Variants in NAALADL2 observed in about 807,000 individuals in gnomAD.
The protein encoded by NAALADL2 is inactive N-acetylated-alpha-linked acidic dipeptidase-like protein 2.
NAALADL2 carries 76 observed loss-of-function variants against 87.2 expected under a neutral mutation model. That is an observed-to-expected ratio of 0.87 (90% CI 0.72 to 1.05). The LOEUF is 1.05. Ranked by LOEUF, NAALADL2 falls within the 50% of genes least tolerant of loss-of-function variation. NAALADL2 has a pLI of 0.00. For missense variants in NAALADL2, 1,089 were observed against 945.8 expected, an observed-to-expected ratio of 1.15 and a Z score of -1.99; for synonymous variants, 354 against 331.0, an observed-to-expected ratio of 1.07 and a Z score of -0.75.
intron 2 of NAALADL2, among the ~76,000 whole-genome samples, chr3:175,171,345 C>T (rs1196606476): frequency 6.6e-6 from 1 of 151,986 alleles, no homozygotes; most frequent in Non-Finnish European, 1.5e-5. Context: ...ATTTTGCCAT[C>T]CTAACGATGG....
intron 12 of NAALADL2, among the ~76,000 whole-genome samples, chr3:175,739,795 T>C (rs1744994650): frequency 6.6e-6 from 1 of 152,202 alleles, no homozygotes; most frequent in South Asian, 2.1e-4. Flanking sequence ...TACATTCCCA[T>C]AGTGGAACAA....
chr3:174,687,605 A>G (rs925087590), intron 2 of NAALADL2, among the ~76,000 whole-genome samples: 2 of 152,108 alleles, frequency 1.3e-5, no homozygotes, highest in Non-Finnish European at 2.9e-5. Context: ...ATAAATCGAC[A>G]AGTGCAATAA....
chr3:174,763,335 T>C (rs1713298459), intron 3 of NAALADL2, among the ~76,000 whole-genome samples: 4 of 151,926 alleles, frequency 2.6e-5, no homozygotes, highest in Admixed American at 2.6e-4. Context: ...ATGCCTGTAA[T>C]CCCAGCACTT....
At chr3:175,691,507 T>A (rs1207660952) in intron 11 of NAALADL2, among the ~76,000 whole-genome samples, 2 of 152,056 alleles carry the variant, frequency 1.3e-5, no homozygotes, top group East Asian at 3.9e-4. Flanking sequence ...CTGTTTGTAA[T>A]ATTTTATCAA....
At chr3:175,227,425 C>T (rs549146237) in intron 2 of NAALADL2, among the ~76,000 whole-genome samples, 65 of 152,052 alleles carry the variant, frequency 4.3e-4, no homozygotes, top group Non-Finnish European at 8.0e-4. Flanking sequence ...AAACTACTGG[C>T]CCGTGGAAAC....
chr3:175,289,778 T>C (rs537544819), intron 4 of NAALADL2, among the ~76,000 whole-genome samples: 4 of 152,072 alleles, frequency 2.6e-5, no homozygotes, highest in African/African-American at 7.2e-5. Context: ...CTGGGCAACA[T>C]AGAGAGATCT....
chr3:175,467,569 C>T (rs141491473), intron 8 of NAALADL2, among the ~76,000 whole-genome samples: 1,827 of 152,258 alleles, frequency 0.012, 29 homozygotes, highest in Non-Finnish European at 0.014. Context: ...GGAACAGTCT[C>T]CTATATTAAA....
chr3:175,277,064 A>G (rs988673135), intron 4 of NAALADL2, among the ~76,000 whole-genome samples: 3 of 152,176 alleles, frequency 2.0e-5, no homozygotes, highest in Admixed American at 6.5e-5. Flanking sequence ...AGACATGTTG[A>G]CGCCAATATA....
chr3:175,360,841 T>G (rs1215210004), intron 5 of NAALADL2, among the ~76,000 whole-genome samples: 1 of 151,506 alleles, frequency 6.6e-6, no homozygotes, highest in Non-Finnish European at 1.5e-5. Context: ...TGTGTGTGTG[T>G]GTGTGTGTAT....
intron 10 of NAALADL2, among the ~76,000 whole-genome samples, chr3:175,583,260 A>T (rs1173570108): frequency 1.3e-5 from 2 of 152,188 alleles, no homozygotes; most frequent in African/African-American, 4.8e-5. Flanking sequence ...CAAAATTCAA[A>T]ATTTGAAGTA....
chr3:175,452,785 A>G (rs980891350), intron 6 of NAALADL2, among the ~76,000 whole-genome samples: 9 of 152,162 alleles, frequency 5.9e-5, no homozygotes, highest in African/African-American at 2.2e-4. Context: ...CAAAAGGAAA[A>G]AGAGCTTCAG....
Position 174,637,574 on chromosome 3 carries a change from T to A in NAALADL2, c.-115+86937T>A, listed in dbSNP as rs74931537. ...TCAGAATGATGTACAAAATTCATAA[T>A]GTTCACTGAAGAATATTTTTATTTG... is the stretch of plus-strand genomic sequence containing the variant. On this transcript the variant is annotated intron_variant, in intron 2 of 3. Coordinates refer to the NAALADL2 transcript ENST00000434257. Among the ~76,000 whole-genome samples, 827 of 152,070 alleles carry A rather than the reference T, an allele frequency of 5.4e-3. 6 individuals are homozygous for A. The highest frequency in any genetic ancestry group is 0.01 in the Middle Eastern group (3 of 292).
chr3:175,093,271 T>G (rs148650914), intron 1 of NAALADL2, among the ~76,000 whole-genome samples: 134 of 151,628 alleles, frequency 8.8e-4, no homozygotes, highest in African/African-American at 3.1e-3. Flanking sequence ...CGTGATATGT[T>G]TTTGTCTCAC....
At chr3:174,843,007 T>C (rs1246761245) in intron 3 of NAALADL2, among the ~76,000 whole-genome samples, 1 of 152,172 alleles carries the variant, frequency 6.6e-6, no homozygotes, top group Admixed American at 6.5e-5. Context: ...TAATTGTATA[T>C]ATTTATGAGG....
chr3:175,046,602 A>G (rs1408040626), intron 1 of NAALADL2, among the ~76,000 whole-genome samples: 2 of 152,192 alleles, frequency 1.3e-5, no homozygotes, highest in Admixed American at 1.3e-4. Context: ...ACCTCCAACA[A>G]TCTGTTGCTC....
intron 10 of NAALADL2, among the ~76,000 whole-genome samples, chr3:175,622,191 C>T (rs936704727): frequency 6.6e-6 from 1 of 152,056 alleles, no homozygotes; most frequent in Non-Finnish European, 1.5e-5. Flanking sequence ...CCTTCCTTTT[C>T]TGTAGCTCCT....
Position 175,654,899 on chromosome 3 carries a change from C to A in NAALADL2, c.1896+27513C>A, listed in dbSNP as rs146726087. ...ATTTAAGGTTTCTGATATTGCATTA[C>A]GTAGAATGAAAGTACAGAAAAGTGC... is the stretch of plus-strand genomic sequence containing the variant. On this transcript the variant is annotated intron_variant, in intron 11 of 13. Transcript: ENST00000454872. 1.6e-3 allele frequency among the ~76,000 whole-genome samples: 248 copies of A among 151,552 alleles called. 1 individual carries two copies. The highest frequency in any genetic ancestry group is 5.6e-3 in the African/African-American group (232 of 41,336).
intron 2 of NAALADL2, among the ~76,000 whole-genome samples, chr3:175,138,379 C>T (rs865899402): frequency 1.1e-3 from 161 of 152,140 alleles, no homozygotes; most frequent in African/African-American, 3.5e-3. Flanking sequence ...GGTATGCTGA[C>T]GTTCACGTTT....
chr3:175,557,118 C>A (rs924382537), intron 9 of NAALADL2, among the ~76,000 whole-genome samples: 1 of 152,182 alleles, frequency 6.6e-6, no homozygotes, highest in Non-Finnish European at 1.5e-5. Context: ...CAAAGACTGA[C>A]CTTCGATATA....
Sources: gnomAD v4.1 joint callset for allele counts (sites outside exome capture counted in the v4.1 genomes callset) on GRCh38, gnomAD v4.1.1 for gene constraint, MANE v1.5 for transcripts, NCBI Gene and HGNC (gene_info 2026-07-23, HGNC 2026-07-21) for gene names.